Variants in PIWIL1 observed in about 807,000 individuals in gnomAD.
PIWIL1 encodes piwi like RNA-mediated gene silencing 1.
A neutral mutation model predicts 114.4 loss-of-function variants in PIWIL1; 73 were observed. That is an observed-to-expected ratio of 0.64 (90% confidence interval 0.53 to 0.78). PIWIL1 has a LOEUF of 0.78. Ranked by LOEUF, PIWIL1 falls within the 30% of genes least tolerant of loss-of-function variation. PIWIL1 has a pLI of 0.00. For missense variants in PIWIL1, 723 were observed against 1,063.1 expected (o/e 0.68, Z 4.45); for synonymous variants, 375 against 369.0 (o/e 1.02, Z -0.19).
intron 3 of PIWIL1, 47 bp from the exon 4 acceptor site, chr12:130,345,706 C>T: frequency 1.9e-6 from 3 of 1,606,768 alleles, no homozygotes; most frequent in Non-Finnish European, 1.7e-6. Flanking sequence ...TATTGTCATC[C>T]TTTATTTCGT....
chr12:130,420,069 A>AT, the PIWIL1 span, among the ~76,000 whole-genome samples: 1 of 152,208 alleles, frequency 6.6e-6, no homozygotes, highest in East Asian at 1.9e-4. This position sits in a 1 kb window ranked among gnomAD's most constrained non-coding sequence, Gnocchi z 4.3. Context: ...TTTCTAAAAT[A>AT]TTGTTTTCTA....
chr12:130,338,809 G>C (rs1246877599), intron 1 of PIWIL1, among the ~76,000 whole-genome samples: 5 of 126,778 alleles, frequency 3.9e-5, no homozygotes, highest in Admixed American at 2.4e-4. Flanking sequence ...GTGCGGGGCC[G>C]GGGGGAAGCG....
At position 130,357,469 on chromosome 12, in the gene PIWIL1, C is replaced by T. The variant is rs370591084; in HGVS notation, c.1593-12C>T. On this transcript the variant is annotated splice_polypyrimidine_tract_variant and intron_variant, in intron 13 of 20. Coordinates refer to ENST00000245255, the MANE Select transcript of PIWIL1 (RefSeq NM_004764.5). ...CTGTGTCTGAGTGTTGGATTGTGTA[C>T]TTTCATTCTAGGATTGAAGTGGATG... 3.5e-5 allele frequency: 57 copies of T among 1,606,914 alleles called. No individual in the cohort carries two copies. In the African/African-American group the frequency reaches 6.4e-4, roughly 18 times the overall value.
At chr12:130,368,827 A>G (rs548576481) in intron 19 of PIWIL1, among the ~76,000 whole-genome samples, 1 of 152,224 alleles carries the variant, frequency 6.6e-6, no homozygotes, top group East Asian at 1.9e-4. Flanking sequence ...TTCACTAGAT[A>G]TTATTAAAAT....
At chr12:130,389,814 G>C in the PIWIL1 span, among the ~76,000 whole-genome samples, 2 of 152,106 alleles carry the variant, frequency 1.3e-5, no homozygotes, top group Non-Finnish European at 2.9e-5. Context: ...TCATTAGTGT[G>C]TCTTTTCTCG....
At chr12:130,392,205 A>ACCGTCATCACGTGTCCG in the PIWIL1 span, among the ~76,000 whole-genome samples, 1 of 48,866 alleles carries the variant, frequency 2.0e-5, no homozygotes, top group Non-Finnish European at 4.1e-5. Context: ...ACGTGGATGC[A>ACCGTCATCACGTGTCCG]TCAGTTACCC....
the PIWIL1 span, among the ~76,000 whole-genome samples, chr12:130,385,448 T>A: frequency 6.6e-6 from 1 of 152,252 alleles, no homozygotes; most frequent in Non-Finnish European, 1.5e-5. Context: ...TTAGTAACTC[T>A]TTAACATAGT....
chr12:130,425,148 C>G, the PIWIL1 span: 1 of 306,794 alleles, frequency 3.3e-6, no homozygotes, highest in South Asian at 1.6e-4. Context: ...AGGTGAGATC[C>G]CGGCGGCACA....
downstream of PIWIL1, among the ~76,000 whole-genome samples, chr12:130,374,664 G>A (rs1215269536): frequency 1.3e-5 from 2 of 152,138 alleles, no homozygotes; most frequent in African/African-American, 2.4e-5. Context: ...CTCTGCCCTC[G>A]TCCATCGCAG....
chr12:130,393,076 A>G, the PIWIL1 span, among the ~76,000 whole-genome samples: 1 of 147,184 alleles, frequency 6.8e-6, no homozygotes, highest in Non-Finnish European at 1.5e-5. Context: ...GAATGTTGTG[A>G]TGACCCAGTC....
intron 19 of PIWIL1, among the ~76,000 whole-genome samples, chr12:130,368,356 G>A (rs1016424998): frequency 3.3e-5 from 5 of 152,062 alleles, no homozygotes; most frequent in African/African-American, 1.2e-4. Flanking sequence ...GTGAATCTTG[G>A]GTAAATGAGG....
At chr12:130,424,061 C>T in the PIWIL1 span, 2 of 759,674 alleles carry the variant, frequency 2.6e-6, no homozygotes, top group Admixed American at 4.3e-5. This position sits in a 1 kb window ranked among gnomAD's most constrained non-coding sequence, Gnocchi z 9.8. Context: ...GGATGGACAC[C>T]AGAACAAACA....
intron 1 of PIWIL1, chr12:130,342,192 C>G (rs976785225): frequency 4.6e-4 from 74 of 159,544 alleles, no homozygotes; most frequent in South Asian, 1.9e-3. Flanking sequence ...GTGTGTGTGT[C>G]TGTGTATGGG....
At chr12:130,400,824 A>G in the PIWIL1 span, among the ~76,000 whole-genome samples, 1 of 152,244 alleles carries the variant, frequency 6.6e-6, no homozygotes. Context: ...GCCAGCAGGC[A>G]CATGAAAAGA....
At chr12:130,346,888 A>G in intron 5 of PIWIL1, 53 bp from the exon 6 acceptor site, 1 of 1,583,730 alleles carries the variant, frequency 6.3e-7, no homozygotes, top group Non-Finnish European at 8.5e-7. Context: ...GTGATTGGGC[A>G]TAATTGTCCT....
At chr12:130,343,219 T>C in intron 3 of PIWIL1, 118 bp downstream of exon 3, 1 of 628,598 alleles carries the variant, frequency 1.6e-6, no homozygotes, top group Non-Finnish European at 2.8e-6. Context: ...CATTTCCTTA[T>C]AATGTTGCCA....
At chr12:130,388,465 T>C in the PIWIL1 span, among the ~76,000 whole-genome samples, 1 of 152,228 alleles carries the variant, frequency 6.6e-6, no homozygotes, top group Non-Finnish European at 1.5e-5. Flanking sequence ...TCCAAATGGA[T>C]TTTAGAATAT....
chr12:130,382,058 GA>G, the PIWIL1 span, among the ~76,000 whole-genome samples: 1 of 152,302 alleles, frequency 6.6e-6, no homozygotes, highest in East Asian at 1.9e-4. Flanking sequence ...TCCTTTATCA[GA>G]TAGGTCTTTT....
chr12:130,397,757 TTC>T, the PIWIL1 span: 1 of 367,506 alleles, frequency 2.7e-6, no homozygotes, highest in Non-Finnish European at 4.8e-6. Context: ...TGGGTTCCGT[TTC>T]TCTGTCTCGA....
Sources: gnomAD v4.1 joint callset for allele counts (sites outside exome capture counted in the v4.1 genomes callset) on GRCh38, gnomAD v4.1.1 for gene constraint, Gnocchi (gnomAD v3.1) non-coding constraint, MANE v1.5 for transcripts, NCBI Gene and HGNC (gene_info 2026-07-23, HGNC 2026-07-21) for gene names.